Variants in NFAT5 observed in about 807,000 individuals in gnomAD.
NFAT5 encodes nuclear factor of activated T cells 5.
A neutral mutation model predicts 166.5 loss-of-function variants in NFAT5; 31 were observed. The observed-to-expected ratio is 0.19, with a 90% confidence interval of 0.14 to 0.25. The LOEUF (loss-of-function observed/expected upper bound fraction) is 0.25, where lower values mean the gene tolerates loss of function less well. Among genes scored for constraint, NFAT5 ranks in the 10% least tolerant of loss-of-function variants. The pLI, the probability that NFAT5 is intolerant of heterozygous loss-of-function variation, is 1.00. For missense variants in NFAT5, 1,449 were observed against 1,821.8 expected (o/e 0.80, Z 3.72); for synonymous variants, 612 against 639.7 (o/e 0.96, Z 0.65).
intron 2 of NFAT5, among the ~76,000 whole-genome samples, chr16:69,619,611 AATAG>A (rs1354831693): frequency 6.6e-6 from 1 of 152,210 alleles, no homozygotes; most frequent in Non-Finnish European, 1.5e-5. Context: ...GTGCTCAAAA[AATAG>A]TAGCTGTAAT....
chr16:69,577,087 G>T (rs1164609097), intron 2 of NFAT5, among the ~76,000 whole-genome samples: 1 of 152,100 alleles, frequency 6.6e-6, no homozygotes, highest in East Asian at 1.9e-4. Flanking sequence ...AATTTACTTT[G>T]GTTCTTTCTG....
chr16:69,597,976 GT>G (rs1328919702), intron 2 of NFAT5, among the ~76,000 whole-genome samples: 4 of 152,300 alleles, frequency 2.6e-5, no homozygotes, highest in African/African-American at 9.6e-5. Context: ...AGAAGAAGAT[GT>G]TAGGGAAAAG....
chr16:69,686,250 G>A (rs1597554346), intron 11 of NFAT5, among the ~76,000 whole-genome samples: 2 of 152,200 alleles, frequency 1.3e-5, no homozygotes. Flanking sequence ...CTACTCTGGA[G>A]GCTGAGGCAA....
chr16:69,687,686 T>C (rs2037365546), intron 11 of NFAT5, among the ~76,000 whole-genome samples: 1 of 152,168 alleles, frequency 6.6e-6, no homozygotes, highest in South Asian at 2.1e-4. Context: ...ACTATCTAAA[T>C]ACATTTTAAG....
intron 3 of NFAT5, among the ~76,000 whole-genome samples, chr16:69,646,340 A>AT (rs2035438809): frequency 1.3e-5 from 2 of 152,194 alleles, no homozygotes; most frequent in Non-Finnish European, 2.9e-5. Flanking sequence ...TCCAAATCAT[A>AT]CCTTTTTCAT....
intron 7 of NFAT5, among the ~76,000 whole-genome samples, chr16:69,669,463 T>G (rs2036537580): frequency 6.6e-6 from 1 of 152,108 alleles, no homozygotes. Context: ...GAGAATCACT[T>G]GAGCCCAGGA....
At chr16:69,672,313 A>G (rs2036655991) in intron 9 of NFAT5, among the ~76,000 whole-genome samples, 1 of 152,240 alleles carries the variant, frequency 6.6e-6, no homozygotes, top group Admixed American at 6.5e-5. Flanking sequence ...TGAAGTTTTA[A>G]TACCTGCTTT....
intron 2 of NFAT5, among the ~76,000 whole-genome samples, chr16:69,625,622 T>A (rs1475649422): frequency 6.6e-6 from 1 of 151,994 alleles, no homozygotes; most frequent in Non-Finnish European, 1.5e-5. Flanking sequence ...ATGATAGTGT[T>A]GAATTAAAAT....
intron 3 of NFAT5, among the ~76,000 whole-genome samples, chr16:69,636,127 C>G (rs530890710): frequency 1.4e-4 from 22 of 152,284 alleles, no homozygotes; most frequent in Non-Finnish European, 2.8e-4. Flanking sequence ...AGGGCCCATG[C>G]AAGTCCGAAA....
intron 2 of NFAT5, among the ~76,000 whole-genome samples, chr16:69,599,727 A>G: frequency 6.6e-6 from 1 of 152,168 alleles, no homozygotes; most frequent in East Asian, 1.9e-4. Context: ...AGCAATGGAG[A>G]TAAATGTGGA....
intron 2 of NFAT5, among the ~76,000 whole-genome samples, chr16:69,595,778 T>C (rs116595854): frequency 6.6e-6 from 1 of 152,318 alleles, no homozygotes; most frequent in African/African-American, 2.4e-5. Flanking sequence ...CAAATGTCAC[T>C]ACTCTTCCAC....
At chr16:69,615,200 C>T (rs2033887100) in intron 2 of NFAT5, among the ~76,000 whole-genome samples, 1 of 152,072 alleles carries the variant, frequency 6.6e-6, no homozygotes, top group Admixed American at 6.6e-5. Flanking sequence ...TGCCACCATG[C>T]CTGGCTAATT....
intron 2 of NFAT5, among the ~76,000 whole-genome samples, chr16:69,617,946 C>G (rs563648005): frequency 6.7e-6 from 1 of 149,654 alleles, no homozygotes; most frequent in Non-Finnish European, 1.5e-5. Context: ...CACCTGAGGT[C>G]GGGAGTTCGA....
At position 69,566,360 on chromosome 16, in the gene NFAT5, C is replaced by A. The variant is rs1030704377; in HGVS notation, c.59C>A (p.Ser20Tyr). ...GACCTAGACCTGGAATCGCCCAAGT[C>A]CCTCTACTCGCGAGGTGAGTCAGGC... ...SADLDLESPK[S>Y]LYSRDSLKLH... is the part of the protein sequence containing the mutation. Residue 20 changes from serine (S) to tyrosine (Y), a missense_variant, in exon 1 of 15, where the codon TCC (serine) becomes TAC (tyrosine). By Grantham distance (144) the Ser-to-Tyr change is moderately radical. Around this residue, in one of 7 missense-constraint regions of NFAT5, gnomAD observed 172 missense variants for 194.5 expected, o/e 0.88. Coordinates refer to ENST00000349945, the MANE Select transcript of NFAT5 (RefSeq NM_138713.4). This position sits in a 1 kb window ranked among gnomAD's most constrained non-coding sequence, Gnocchi z 5.7. 6.2e-7 allele frequency: 1 copy of A among 1,606,922 alleles called. No homozygotes were observed. Among genetic ancestry groups the A allele is most frequent in the Non-Finnish European group, 8.5e-7 (1 of 1,177,750 alleles).
Position 69,584,097 on chromosome 16 carries a change from G to A in NFAT5, c.127+15549G>A, listed in dbSNP as rs563076473. Among the ~76,000 whole-genome samples the A allele has an allele frequency of 2.9e-4, 44 of 152,054 alleles. No homozygotes were observed. In the South Asian group the frequency reaches 7.5e-3, roughly 26 times the overall value. On this transcript the variant is annotated intron_variant, in intron 2 of 14. Transcript: ENST00000349945. ...AAAAATTAGCTGGGCATGGTGGTGCGCACCTTTAATGCCAGCTACTCGGGA... is the reference window on the plus strand; with the variant it reads ...AAAAATTAGCTGGGCATGGTGGTGCACACCTTTAATGCCAGCTACTCGGGA...
intron 2 of NFAT5, among the ~76,000 whole-genome samples, chr16:69,602,593 T>G (rs1159358242): frequency 2.0e-5 from 3 of 150,470 alleles, no homozygotes; most frequent in Non-Finnish European, 3.0e-5. Flanking sequence ...TCTTTTTTTT[T>G]TTTTTTGAGA....
chr16:69,578,613 A>C (rs564169415), intron 2 of NFAT5, among the ~76,000 whole-genome samples: 43 of 152,348 alleles, frequency 2.8e-4, no homozygotes, highest in African/African-American at 1.0e-3. Context: ...AGCCAAACAC[A>C]GACTTAAGCC....
chr16:69,594,772 G>C (rs1265083548), intron 2 of NFAT5, among the ~76,000 whole-genome samples: 3 of 152,150 alleles, frequency 2.0e-5, no homozygotes, highest in Admixed American at 2.0e-4. Context: ...TAGGATAGAT[G>C]TATATATCTA....
At chr16:69,620,886 A>T (rs1322569156) in intron 2 of NFAT5, among the ~76,000 whole-genome samples, 2 of 152,194 alleles carry the variant, frequency 1.3e-5, no homozygotes, top group East Asian at 3.8e-4. Flanking sequence ...TCATTTGAAA[A>T]GTCATATCTT....
Sources: allele counts gnomAD v4.1 joint callset (sites outside exome capture counted in the v4.1 genomes callset), GRCh38; gene constraint gnomAD v4.1.1; regional missense constraint gnomAD v4.1.1; non-coding constraint Gnocchi (gnomAD v3.1); transcripts MANE v1.5; gene names NCBI Gene and HGNC (gene_info 2026-07-23, HGNC 2026-07-21).